TLK2: variants seen among roughly 807,000 people sequenced by gnomAD.
The protein encoded by TLK2 is tousled like kinase 2, also known as serine/threonine-protein kinase tousled-like 2.
A neutral mutation model predicts 117.3 loss-of-function variants in TLK2; 6 were observed. That is an observed-to-expected ratio of 0.05 (90% CI 0.03 to 0.10). TLK2 has a LOEUF of 0.10. TLK2 is among the 10% of genes least tolerant of loss of function. The pLI, the probability that TLK2 is intolerant of heterozygous loss-of-function variation, is 1.00. For missense variants in TLK2, 299 were observed against 901.2 expected, an observed-to-expected ratio of 0.33 and a Z score of 8.56; for synonymous variants, 257 against 316.7, an observed-to-expected ratio of 0.81 and a Z score of 2.00.
intron 2 of TLK2, among the ~76,000 whole-genome samples, chr17:62,514,872 C>T (rs963442190): frequency 6.6e-6 from 1 of 152,206 alleles, no homozygotes; most frequent in African/African-American, 2.4e-5. Context: ...AGCCACCGCG[C>T]CCAGCCCTGA....
chr17:62,522,289 T>C lies in TLK2; in HGVS notation c.223+16T>C, dbSNP rs769625564. On this transcript the variant is annotated intron_variant, in intron 4 of 21. Transcript: ENST00000346027. Reference sequence around the variant, plus strand: ...ACTAGCCAAGGTAGTAATAATTTCGTATCAACAAAAGTACTCAATTCTAAT... The same window carrying C: ...ACTAGCCAAGGTAGTAATAATTTCGCATCAACAAAAGTACTCAATTCTAAT... 7 of 1,607,804 alleles carry C rather than the reference T, an allele frequency of 4.4e-6. No homozygotes were observed. The South Asian group carries it at 7.8e-5, about 18-fold the overall frequency.
chr17:62,516,467 T>C (rs1408972302), intron 2 of TLK2: 3 of 1,602,182 alleles, frequency 1.9e-6, no homozygotes, highest in African/African-American at 1.3e-5. Context: ...GGCCTGCCAG[T>C]CTCTGGACGG....
intron 17 of TLK2, among the ~76,000 whole-genome samples, 191 bp downstream of exon 17, chr17:62,596,865 G>C (rs2147108364): frequency 6.6e-6 from 1 of 152,368 alleles, no homozygotes; most frequent in Non-Finnish European, 1.5e-5. Flanking sequence ...ATGTGCACTT[G>C]TGTGCCAGTA....
chr17:62,578,828 T>A (rs561709834), intron 14 of TLK2, among the ~76,000 whole-genome samples: 2 of 152,320 alleles, frequency 1.3e-5, no homozygotes, highest in African/African-American at 2.4e-5. Context: ...GAATAAAGAT[T>A]ACTAAAACAA....
intron 20 of TLK2, among the ~76,000 whole-genome samples, chr17:62,607,653 G>GT (rs1236344189): frequency 3.3e-5 from 5 of 151,974 alleles, no homozygotes; most frequent in Admixed American, 3.3e-4. Context: ...CTCTTTTTCT[G>GT]TTTTTTGAGT....
At chr17:62,552,807 A>C (rs2078576918) in intron 8 of TLK2, among the ~76,000 whole-genome samples, 1 of 152,170 alleles carries the variant, frequency 6.6e-6, no homozygotes, top group Non-Finnish European at 1.5e-5. Flanking sequence ...ATGATCTCAG[A>C]CAGTGTATAC....
intron 12 of TLK2, among the ~76,000 whole-genome samples, chr17:62,575,528 C>T (rs2080715140): frequency 6.6e-6 from 1 of 152,168 alleles, no homozygotes; most frequent in South Asian, 2.1e-4. Flanking sequence ...TTTCCCCTTT[C>T]TTCTGCTATT....
intron 7 of TLK2, among the ~76,000 whole-genome samples, chr17:62,540,642 A>G (rs1262251057): frequency 6.9e-6 from 1 of 145,488 alleles, no homozygotes; most frequent in East Asian, 2.1e-4. Flanking sequence ...CAGGTGATCC[A>G]CCCGCCTTGG....
intron 9 of TLK2, among the ~76,000 whole-genome samples, chr17:62,557,834 A>C (rs762182470): frequency 6.6e-6 from 1 of 152,214 alleles, no homozygotes; most frequent in Non-Finnish European, 1.5e-5. Flanking sequence ...GTTTCAAAAA[A>C]ATGTTTGCTT....
intron 21 of TLK2, 143 bp downstream of exon 21, chr17:62,608,291 A>G: frequency 1.5e-6 from 1 of 673,624 alleles, no homozygotes; most frequent in Non-Finnish European, 2.5e-6. Context: ...TAATGTTCCT[A>G]AGAACACTTG....
intron 14 of TLK2, 133 bp from the exon 15 acceptor site, chr17:62,579,978 T>C (rs1008226139): frequency 6.3e-6 from 4 of 630,716 alleles, no homozygotes; most frequent in African/African-American, 3.7e-5. Flanking sequence ...ATTTGCCATG[T>C]TGATGTTGAT....
chr17:62,528,663 C>T (rs1292055992), intron 6 of TLK2, among the ~76,000 whole-genome samples: 1 of 152,016 alleles, frequency 6.6e-6, no homozygotes, highest in African/African-American at 2.4e-5. Context: ...GTAATCCACC[C>T]GCCTCAGCCT....
chr17:62,475,494 C>T (rs2071021233), upstream of TLK2, among the ~76,000 whole-genome samples: 1 of 152,058 alleles, frequency 6.6e-6, no homozygotes, highest in East Asian at 1.9e-4. Context: ...AGGTGCCCAC[C>T]ACCACGCTCA....
chr17:62,490,716 A>G (rs1202644663), intron 2 of TLK2, among the ~76,000 whole-genome samples: 1 of 151,570 alleles, frequency 6.6e-6, no homozygotes, highest in Non-Finnish European at 1.5e-5. Context: ...TAATTTTTGT[A>G]TTTTTAGTAT....
intron 15 of TLK2, among the ~76,000 whole-genome samples, chr17:62,584,107 GTTTTTTTTT>G (rs572000997): frequency 3.8e-5 from 3 of 78,522 alleles, no homozygotes; most frequent in Admixed American, 1.8e-4. Flanking sequence ...TTCTTTTGTG[GTTTTTTTTT>G]TTTTTTTTTT....
intron 5 of TLK2, among the ~76,000 whole-genome samples, chr17:62,523,941 G>C (rs71375860): frequency 6.6e-6 from 1 of 152,130 alleles, no homozygotes; most frequent in Non-Finnish European, 1.5e-5. Context: ...TCGTGTATTT[G>C]GAGACAAGAA....
At chr17:62,573,492 C>A in intron 12 of TLK2, 125 bp downstream of exon 12, 3 of 1,283,612 alleles carry the variant, frequency 2.3e-6, no homozygotes, top group Non-Finnish European at 3.2e-6. Context: ...TTTTCAGTTA[C>A]ATTAATGGAT....
chr17:62,494,009 C>T (rs1341278662), intron 2 of TLK2, among the ~76,000 whole-genome samples: 2 of 152,052 alleles, frequency 1.3e-5, no homozygotes, highest in East Asian at 1.9e-4. Flanking sequence ...TTAGTCAAAC[C>T]GTAGGTTACT....
At position 62,615,418 on chromosome 17, in the gene TLK2, T is replaced by C. The variant is rs1004547078; in HGVS notation, c.*2853T>C. ...TGTAATTAAACCCATCCAGATTGTT[T>C]TAGCCTTTTCCCAATGGGGTGGGGG... On this transcript the variant is annotated 3_prime_UTR_variant, in exon 22 of 22. Coordinates refer to ENST00000346027, the MANE Select transcript of TLK2 (RefSeq NM_006852.6). The C allele has an allele frequency of 3.3e-5, 5 of 152,242 alleles. No individual in the cohort carries two copies. Among genetic ancestry groups the C allele is most frequent in the African/African-American group, 1.2e-4 (5 of 41,460 alleles). 9.4% of individuals were successfully genotyped at this position (152,242 alleles called of 1,614,324 possible). A position where few individuals can be genotyped will look rare whatever the true frequency, so the allele number is the denominator to read the frequency against.
Sources: gnomAD v4.1 joint callset for allele counts (sites outside exome capture counted in the v4.1 genomes callset) on GRCh38, gnomAD v4.1.1 for gene constraint, MANE v1.5 for transcripts, NCBI Gene and HGNC (gene_info 2026-07-23, HGNC 2026-07-21) for gene names.